The following CDC20B variants were observed in gnomAD, a reference collection of about 807,000 sequenced individuals.
CDC20B encodes cell division cycle 20B, also known as cell division cycle protein 20 homolog B.
CDC20B carries 58 observed loss-of-function variants against 64.1 expected under a neutral mutation model. The ratio of observed to expected loss-of-function variants is 0.90; its 90% CI spans 0.73 to 1.13. The LOEUF is 1.13. CDC20B is among the 50% of genes most tolerant of loss of function. The probability of loss-of-function intolerance (pLI) is 0.00; values close to 1 mark genes in which losing one functional copy is unlikely to be tolerated. For missense variants in CDC20B, 597 were observed against 633.0 expected, an observed-to-expected ratio of 0.94 and a Z score of 0.61; for synonymous variants, 243 against 230.6, an observed-to-expected ratio of 1.05 and a Z score of -0.49.
At chr5:55,154,778 AT>A (rs901433463) in intron 2 of CDC20B, among the ~76,000 whole-genome samples, 2 of 152,200 alleles carry the variant, frequency 1.3e-5, no homozygotes, top group Non-Finnish European at 2.9e-5. Flanking sequence ...ATTTAATGTC[AT>A]TTTATAATTT....
chr5:55,124,673 C>T, intron 9 of CDC20B, 130 bp downstream of exon 9: 1 of 823,722 alleles, frequency 1.2e-6, no homozygotes, highest in Non-Finnish European at 1.9e-6. Flanking sequence ...AGAGTGATGA[C>T]AAACTCCAAA....
intron 2 of CDC20B, among the ~76,000 whole-genome samples, chr5:55,163,012 A>G (rs531927342): frequency 6.6e-6 from 1 of 152,164 alleles, no homozygotes; most frequent in Non-Finnish European, 1.5e-5. Context: ...CGGGGATGAT[A>G]ATAATACCCA....
chr5:55,125,315 C>G (rs1285195501), intron 8 of CDC20B, among the ~76,000 whole-genome samples: 1 of 152,124 alleles, frequency 6.6e-6, no homozygotes, highest in East Asian at 1.9e-4. Context: ...GAAAAATAAG[C>G]TGAGAAGATT....
intron 2 of CDC20B, chr5:55,160,368 C>A (rs915747215): frequency 1.2e-6 from 2 of 1,612,818 alleles, no homozygotes; most frequent in Non-Finnish European, 1.7e-6. Flanking sequence ...AAAGGAAGAA[C>A]TGTTTCTCTG....
In CDC20B at chr5:55,114,207, G is replaced by C. The variant is rs372227357; in HGVS notation, c.*11C>G. On this transcript the variant is annotated 3_prime_UTR_variant, in exon 12 of 12. Coordinates refer to ENST00000381375, the MANE Select transcript of CDC20B (RefSeq NM_001170402.1). The surrounding 1 kb of genome is among the most constrained non-coding windows in gnomAD (Gnocchi z 4.1). The stretch of plus-strand genomic sequence containing the variant: ...AGAAATAAGGAAACTGAAACCTAGA[G>C]GGGCTGGGTGCTAGTAGCAATTCCA... 1.6e-5 allele frequency: 25 copies of C among 1,612,250 alleles called. No individual in the cohort carries two copies. The African/African-American group carries it at 3.3e-4, about 22-fold the overall frequency.
chr5:55,172,828 C>T (rs1744649571), intron 1 of CDC20B, 110 bp downstream of exon 1: 2 of 1,108,992 alleles, frequency 1.8e-6, no homozygotes, highest in South Asian at 3.1e-5. Context: ...AAATTTACGA[C>T]CAGGGCTTAG....
intron 9 of CDC20B, 122 bp from the exon 10 acceptor site, chr5:55,120,672 T>C: frequency 8.4e-7 from 1 of 1,194,868 alleles, no homozygotes. Context: ...CTCCTGGGCC[T>C]GCTATCTAAA....
Position 55,156,677 on chromosome 5 carries a change from C to A in CDC20B, c.127-9821G>T, listed in dbSNP as rs149389207. ...GCTCACGAGATCAGGAGTTCATGAC[C>A]AGCCTGACTAATATGGTGAAACCCC... On this transcript the variant is annotated intron_variant, in intron 2 of 11. Transcript: ENST00000381375. 2.8e-3 allele frequency among the ~76,000 whole-genome samples: 423 copies of A among 152,176 alleles called. 3 individuals are homozygous for A. Among genetic ancestry groups the A allele is most frequent in the African/African-American group, 9.5e-3 (394 of 41,500 alleles).
At chr5:55,147,576 TG>T (rs1178512161) in intron 2 of CDC20B, among the ~76,000 whole-genome samples, 2 of 150,156 alleles carry the variant, frequency 1.3e-5, no homozygotes, top group East Asian at 3.9e-4. Context: ...ATGTGTAAAA[TG>T]TTATTTTTTT....
chr5:55,172,024 G>A (rs971225627), intron 2 of CDC20B, among the ~76,000 whole-genome samples: 1 of 152,196 alleles, frequency 6.6e-6, no homozygotes, highest in Admixed American at 6.5e-5. Flanking sequence ...CATGGTAAAT[G>A]GTGACAGAGA....
At chr5:55,147,095 ATGTTT>A (rs1743505981) in intron 2 of CDC20B, among the ~76,000 whole-genome samples, 1 of 145,678 alleles carries the variant, frequency 6.9e-6, no homozygotes, top group East Asian at 2.0e-4. Context: ...TAAATATGTT[ATGTTT>A]TATATATTTA....
intron 2 of CDC20B, among the ~76,000 whole-genome samples, chr5:55,169,850 A>G (rs1744533487): frequency 6.6e-6 from 1 of 152,228 alleles, no homozygotes; most frequent in African/African-American, 2.4e-5. Context: ...GCAGTGGCTC[A>G]CGCCTGTAAT....
chr5:55,172,195 C>T lies in CDC20B; in HGVS notation c.126+393G>A, dbSNP rs1744620340. ...AACTTTAAATTGCTCACGTTAAGAACCATGGTTTATGCCACTTCTCCACAT... is the reference window on the plus strand; with the variant it reads ...AACTTTAAATTGCTCACGTTAAGAATCATGGTTTATGCCACTTCTCCACAT... On this transcript the variant is annotated intron_variant, in intron 2 of 11. Transcript: ENST00000381375. The T allele has an allele frequency of 2.1e-5, 4 of 193,570 alleles. No homozygotes were observed. In the South Asian group the frequency reaches 3.9e-4, roughly 19 times the overall value. The allele number at this position is 193,570 out of a possible 1,614,324, so 12.0% of individuals were successfully genotyped here.
At chr5:55,144,215 T>C (rs752689917) in intron 3 of CDC20B, among the ~76,000 whole-genome samples, 23 of 152,290 alleles carry the variant, frequency 1.5e-4, no homozygotes, top group Non-Finnish European at 1.8e-4. Context: ...AAAGATGTTT[T>C]AAAGATAGTT....
intron 2 of CDC20B, among the ~76,000 whole-genome samples, chr5:55,158,307 T>C (rs983086606): frequency 6.6e-6 from 1 of 152,228 alleles, no homozygotes; most frequent in Non-Finnish European, 1.5e-5. Flanking sequence ...ACTTTGACTT[T>C]TTAAACAATT....
intron 2 of CDC20B, among the ~76,000 whole-genome samples, chr5:55,150,803 G>A (rs935975639): frequency 2.0e-5 from 3 of 152,006 alleles, no homozygotes; most frequent in Non-Finnish European, 4.4e-5. Flanking sequence ...GGAGTGCAGC[G>A]GCACAATCAT....
chr5:55,126,201 T>C (rs980462249), intron 8 of CDC20B, among the ~76,000 whole-genome samples: 1 of 152,058 alleles, frequency 6.6e-6, no homozygotes, highest in African/African-American at 2.4e-5. Flanking sequence ...TTAAATACAT[T>C]TTAAAAGTCT....
intron 2 of CDC20B, chr5:55,166,195 T>C (rs1256557381): frequency 2.0e-5 from 3 of 152,274 alleles, no homozygotes; most frequent in African/African-American, 7.2e-5. Flanking sequence ...CAGCACCACA[T>C]GGGCAGCAGA....
At chr5:55,142,861 T>C (rs935151392) in intron 4 of CDC20B, among the ~76,000 whole-genome samples, 1 of 152,192 alleles carries the variant, frequency 6.6e-6, no homozygotes, top group Non-Finnish European at 1.5e-5. Flanking sequence ...AAATTGAGAA[T>C]TTATGACTTT....
Sources: gnomAD v4.1 joint callset for allele counts (sites outside exome capture counted in the v4.1 genomes callset) on GRCh38, gnomAD v4.1.1 for gene constraint, Gnocchi (gnomAD v3.1) non-coding constraint, MANE v1.5 for transcripts, NCBI Gene and HGNC (gene_info 2026-07-23, HGNC 2026-07-21) for gene names.